The following NR3C2 variants were observed in gnomAD, a reference collection of about 807,000 sequenced individuals.
NR3C2 encodes nuclear receptor subfamily 3 group C member 2, also known as mineralocorticoid receptor.
NR3C2 carries 15 observed loss-of-function variants against 86.4 expected under a neutral mutation model. The observed-to-expected ratio is 0.17, with a 90% CI of 0.12 to 0.27. NR3C2 has a LOEUF of 0.27. Among genes scored for constraint, NR3C2 ranks in the 10% least tolerant of loss-of-function variants. The pLI, the probability that NR3C2 is intolerant of heterozygous loss-of-function variation, is 1.00. For missense variants in NR3C2, 960 were observed against 1,195.6 expected (o/e 0.80, Z 2.91); for synonymous variants, 458 against 450.5 (o/e 1.02, Z -0.21).
At chr4:148,225,571 C>T (rs1467255687) in intron 3 of NR3C2, among the ~76,000 whole-genome samples, 1 of 151,914 alleles carries the variant, frequency 6.6e-6, no homozygotes, top group Non-Finnish European at 1.5e-5. Flanking sequence ...TATTTATTCC[C>T]ATCATCTCCT....
chr4:148,267,582 T>C (rs1421795548), intron 2 of NR3C2, among the ~76,000 whole-genome samples: 1 of 152,220 alleles, frequency 6.6e-6, no homozygotes, highest in Non-Finnish European at 1.5e-5. Context: ...ATAGCCATAT[T>C]GTTTACTGTA....
chr4:148,089,354 G>A (rs887289685), intron 8 of NR3C2, among the ~76,000 whole-genome samples: 4 of 152,204 alleles, frequency 2.6e-5, no homozygotes, highest in Non-Finnish European at 5.9e-5. Context: ...ATGCTATGCC[G>A]CAGTTTCCTC....
chr4:148,336,882 C>A (rs1744519857), intron 2 of NR3C2, among the ~76,000 whole-genome samples: 2 of 152,272 alleles, frequency 1.3e-5, no homozygotes, highest in African/African-American at 2.4e-5. Context: ...GCCTCCAACT[C>A]CCAGGCTCAA....
intron 2 of NR3C2, among the ~76,000 whole-genome samples, chr4:148,294,017 C>T (rs887130767): frequency 2.6e-5 from 4 of 152,190 alleles, no homozygotes; most frequent in Admixed American, 1.3e-4. Context: ...ACATATCCTT[C>T]CCAAGGGATT....
chr4:148,367,914 T>C (rs1746230569), intron 2 of NR3C2, among the ~76,000 whole-genome samples: 1 of 149,152 alleles, frequency 6.7e-6, no homozygotes, highest in Admixed American at 6.7e-5. Context: ...GCAAGTTACC[T>C]GCTATCCTTT....
At chr4:148,278,721 G>A (rs2149893864) in intron 2 of NR3C2, among the ~76,000 whole-genome samples, 1 of 152,148 alleles carries the variant, frequency 6.6e-6, no homozygotes, top group South Asian at 2.1e-4. Context: ...AGAAACTTTG[G>A]TGACAAACGT....
At chr4:148,438,337 G>A (rs1750175941) in intron 1 of NR3C2, among the ~76,000 whole-genome samples, 1 of 152,180 alleles carries the variant, frequency 6.6e-6, no homozygotes, top group African/African-American at 2.4e-5. Flanking sequence ...ACCCTTGGCT[G>A]ACAACCACCA....
At position 148,139,300 on chromosome 4, in the gene NR3C2, T is replaced by C. The variant is rs1197965200; in HGVS notation, c.2510+13169A>G. Among the ~76,000 whole-genome samples the C allele has an allele frequency of 4.6e-5, 7 of 152,226 alleles. No homozygotes were observed. The South Asian group carries it at 1.4e-3, about 32-fold the overall frequency. On this transcript the variant is annotated intron_variant, in intron 6 of 8. Coordinates refer to ENST00000358102, the MANE Select transcript of NR3C2 (RefSeq NM_000901.5). ...CACCTGTGTTCAAAACTTTGGGCTTTGGTTTCCTCATCTTTAAAAGCAGGA... is the reference window on the plus strand; with the variant it reads ...CACCTGTGTTCAAAACTTTGGGCTTCGGTTTCCTCATCTTTAAAAGCAGGA...
chr4:148,391,677 G>A (rs1318196181), intron 2 of NR3C2, among the ~76,000 whole-genome samples: 1 of 151,990 alleles, frequency 6.6e-6, no homozygotes, highest in East Asian at 1.9e-4. Flanking sequence ...GACCAGCCTG[G>A]CCAACATGGT....
chr4:148,275,566 G>T (rs780346981), intron 2 of NR3C2, among the ~76,000 whole-genome samples: 1 of 152,050 alleles, frequency 6.6e-6, no homozygotes, highest in Non-Finnish European at 1.5e-5. Flanking sequence ...AAGTAGCTGG[G>T]ATTACAGGCA....
intron 4 of NR3C2, among the ~76,000 whole-genome samples, chr4:148,177,718 A>G (rs2149788956): frequency 6.6e-6 from 1 of 152,330 alleles, no homozygotes; most frequent in African/African-American, 2.4e-5. Context: ...ATGGCTGATC[A>G]TCCCTTTCTG....
intron 1 of NR3C2, among the ~76,000 whole-genome samples, chr4:148,441,516 A>G (rs72646909): frequency 2.6e-5 from 4 of 152,222 alleles, no homozygotes; most frequent in African/African-American, 9.6e-5. Context: ...GCCATAAACC[A>G]TTATTATTTA....
At chr4:148,327,594 C>G (rs1744033211) in intron 2 of NR3C2, among the ~76,000 whole-genome samples, 1 of 152,204 alleles carries the variant, frequency 6.6e-6, no homozygotes, top group African/African-American at 2.4e-5. Context: ...CTGCAATGAC[C>G]TCCTAATGAT....
At chr4:148,208,476 T>C (rs1261594081) in intron 3 of NR3C2, 2 of 152,250 alleles carry the variant, frequency 1.3e-5, no homozygotes, top group Non-Finnish European at 2.9e-5. Context: ...CTGTGTCCCA[T>C]TCCTTGTGTT....
At chr4:148,362,506 G>T (rs1745889271) in intron 2 of NR3C2, among the ~76,000 whole-genome samples, 1 of 152,044 alleles carries the variant, frequency 6.6e-6, no homozygotes, top group Non-Finnish European at 1.5e-5. Flanking sequence ...GAAATTTTTT[G>T]AAGTCTGAGC....
At chr4:148,389,967 T>C (rs779092182) in intron 2 of NR3C2, among the ~76,000 whole-genome samples, 2 of 152,042 alleles carry the variant, frequency 1.3e-5, no homozygotes, top group Non-Finnish European at 2.9e-5. Flanking sequence ...TATACACAAA[T>C]TTAAGAGCGT....
chr4:148,085,241 T>A (rs187754778), intron 8 of NR3C2, among the ~76,000 whole-genome samples: 1 of 152,276 alleles, frequency 6.6e-6, no homozygotes, highest in Non-Finnish European at 1.5e-5. Context: ...ATTGACCACG[T>A]AATTGGAAGT....
chr4:148,353,071 G>A (rs1329919775), intron 2 of NR3C2, among the ~76,000 whole-genome samples: 2 of 152,022 alleles, frequency 1.3e-5, no homozygotes, highest in African/African-American at 4.8e-5. Flanking sequence ...AGGGCAATGC[G>A]TCAGTTTTTA....
intron 4 of NR3C2, among the ~76,000 whole-genome samples, chr4:148,173,417 T>C (rs974702236): frequency 2.6e-5 from 4 of 151,976 alleles, no homozygotes; most frequent in Non-Finnish European, 5.9e-5. Context: ...GAAAGGGAGA[T>C]GTGATGATGG....
Sources: gnomAD v4.1 joint callset for allele counts (sites outside exome capture counted in the v4.1 genomes callset) on GRCh38, gnomAD v4.1.1 for gene constraint, MANE v1.5 for transcripts, NCBI Gene and HGNC (gene_info 2026-07-23, HGNC 2026-07-21) for gene names.